The following FBRSL1 variants were observed in gnomAD, a reference collection of about 807,000 sequenced individuals.
FBRSL1 encodes fibrosin like 1.
A neutral mutation model predicts 89.6 loss-of-function variants in FBRSL1; 51 were observed. The ratio of observed to expected loss-of-function variants is 0.57; its 90% confidence interval spans 0.45 to 0.72. The LOEUF is 0.72. Among genes scored for constraint, FBRSL1 ranks in the 30% least tolerant of loss-of-function variants. The pLI is 0.00. For synonymous variants in FBRSL1, 779 were observed against 681.1 expected (o/e 1.14, Z -2.24); for missense variants, 1,618 against 1,451.8 (o/e 1.11, Z -1.86).
chr12:132,531,021 G>A (rs570037933), intron 4 of FBRSL1, among the ~76,000 whole-genome samples: 59 of 147,226 alleles, frequency 4.0e-4, no homozygotes, highest in Middle Eastern at 3.7e-3. Flanking sequence ...GTGAGAGCCC[G>A]GGGTGCAGGT....
chr12:132,572,568 C>T lies in FBRSL1; in HGVS notation c.1476C>T (p.Thr492=), dbSNP rs769857540. ...CTCCTGCCATCCCGGGACTGCCCAC[C>T]CTGCTCCCACACCCCGGCCCCTTCG... ...SFPPAIPGLP[T]LLPHPGPFGS... Residue 492 remains threonine, a synonymous_variant, in exon 11 of 19, where the codon ACC becomes ACT. Coordinates refer to ENST00000680143, the MANE Select transcript of FBRSL1 (RefSeq NM_001367871.1). The T allele has an allele frequency of 1.3e-6, 2 of 1,551,372 alleles. No homozygotes were observed. The highest frequency in any genetic ancestry group is 1.7e-6 in the Non-Finnish European group (2 of 1,146,912).
At chr12:132,534,907 C>T (rs1431311919) in intron 4 of FBRSL1, among the ~76,000 whole-genome samples, 2 of 152,254 alleles carry the variant, frequency 1.3e-5, no homozygotes, top group Non-Finnish European at 2.9e-5. Flanking sequence ...CCGCCTTTCA[C>T]CCCACCCACA....
intron 18 of FBRSL1, among the ~76,000 whole-genome samples, 198 bp from the exon 19 acceptor site, chr12:132,582,773 C>T (rs1204232833): frequency 6.6e-6 from 1 of 152,146 alleles, no homozygotes; most frequent in African/African-American, 2.4e-5. Flanking sequence ...CGTCTCCCGG[C>T]CAAGGTTTCC....
intron 5 of FBRSL1, among the ~76,000 whole-genome samples, chr12:132,556,927 G>A (rs192750943): frequency 7.4e-4 from 113 of 152,274 alleles, no homozygotes; most frequent in African/African-American, 2.6e-3. Context: ...TCAAGGACAC[G>A]TGCCCCGCGG....
At position 132,517,794 on chromosome 12, in the gene FBRSL1, C is replaced by T. The variant is rs542937902; in HGVS notation, c.490-7940C>T. ...GTTTTAAGCCAGGGAACAACGTGAG[C>T]TCCTGTGTTTTTACAAACTCGTGGG... On this transcript the variant is annotated intron_variant, in intron 2 of 18. Coordinates refer to ENST00000680143, the MANE Select transcript of FBRSL1 (RefSeq NM_001367871.1). Among the ~76,000 whole-genome samples the T allele has an allele frequency of 5.3e-5, 8 of 152,250 alleles. No individual in the cohort carries two copies. The East Asian group carries it at 1.5e-3, about 29-fold the overall frequency.
At chr12:132,569,832 C>T (rs1451534613) in intron 6 of FBRSL1, 94 bp from the exon 7 acceptor site, 6 of 971,480 alleles carry the variant, frequency 6.2e-6, no homozygotes, top group Non-Finnish European at 8.3e-6. Flanking sequence ...CCAGACATAG[C>T]CTGGGCACCG....
intron 14 of FBRSL1, 84 bp from the exon 15 acceptor site, chr12:132,576,715 G>A: frequency 6.8e-7 from 1 of 1,465,712 alleles, no homozygotes; most frequent in East Asian, 2.5e-5. Context: ...CTCACACCCA[G>A]TCCCTGTGGC....
Position 132,571,095 on chromosome 12 carries a change from A to C in FBRSL1, c.1241A>C (p.Gln414Pro). 7.4e-7 allele frequency: 1 copy of C among 1,356,854 alleles called. No individual in the cohort carries two copies. Among genetic ancestry groups the C allele is most frequent in the Non-Finnish European group, 9.5e-7 (1 of 1,056,824 alleles). 84.1% of individuals were successfully genotyped at this position (1,356,854 alleles called of 1,614,324 possible). The change falls in exon 9 of 19, where the codon CAG (glutamine) becomes CCG (proline). Residue 414 changes from glutamine (Q) to proline (P), a missense_variant. Physicochemically the swap from Gln to Pro is moderately conservative, Grantham distance 76 (BLOSUM62 -1). Coordinates refer to ENST00000680143, the MANE Select transcript of FBRSL1 (RefSeq NM_001367871.1). ...ADASLAVSFSQPIMYCQPHSG... is the reference protein window; with the variant it reads ...ADASLAVSFSPPIMYCQPHSG... ...GCCAGCCTGGCGGTCTCATTCAGCC[A>C]GCCAATCATGTATTGCCAGCCTCAT...
At chr12:132,515,964 C>CA (rs2034806868) in intron 2 of FBRSL1, among the ~76,000 whole-genome samples, 1 of 150,112 alleles carries the variant, frequency 6.7e-6, no homozygotes, top group Admixed American at 6.6e-5. Context: ...TGAACAATGC[C>CA]AAAAGGTGTT....
intron 5 of FBRSL1, among the ~76,000 whole-genome samples, chr12:132,549,115 C>T (rs1022485203): frequency 1.1e-4 from 17 of 152,154 alleles, no homozygotes; most frequent in Admixed American, 4.6e-4. Flanking sequence ...CAGTTTTCGA[C>T]GTACCAAGAA....
intron 5 of FBRSL1, among the ~76,000 whole-genome samples, chr12:132,549,642 C>T (rs1472364385): frequency 6.6e-6 from 1 of 152,228 alleles, no homozygotes; most frequent in African/African-American, 2.4e-5. Flanking sequence ...TCTCCCCTCC[C>T]CGCCTGCCTT....
At chr12:132,497,612 C>T (rs1392841052) in intron 1 of FBRSL1, among the ~76,000 whole-genome samples, 1 of 152,190 alleles carries the variant, frequency 6.6e-6, no homozygotes, top group Non-Finnish European at 1.5e-5. Context: ...GACCACCCTT[C>T]AGTGCCCCCA....
At position 132,499,686 on chromosome 12, in the gene FBRSL1, G is replaced by A. The variant is rs1366163134; in HGVS notation, c.292-8467G>A. The stretch of plus-strand genomic sequence containing the variant: ...GGGTGCCGGTGGCAGGCAGGCTGGA[G>A]ACAGCTGGGGGCTGTGGCTGGGGGG... On this transcript the variant is annotated intron_variant, in intron 1 of 18. Coordinates refer to ENST00000680143, the MANE Select transcript of FBRSL1 (RefSeq NM_001367871.1). The surrounding 1 kb of genome is among the most constrained non-coding windows in gnomAD (Gnocchi z 4.3). 6.6e-6 allele frequency among the ~76,000 whole-genome samples: 1 copy of A among 151,306 alleles called. No individual in the cohort carries two copies. Among genetic ancestry groups the A allele is most frequent in the African/African-American group, 2.4e-5 (1 of 41,216 alleles).
At position 132,576,559 on chromosome 12, in the gene FBRSL1, C is replaced by A. The variant is rs2040394716; in HGVS notation, c.1702-240C>A. On this transcript the variant is annotated intron_variant, in intron 14 of 18. Transcript: ENST00000680143. Reference sequence around the variant, plus strand: ...TTTCCATGACAGCGTAGCATCCCAGCTGCCATGTGCCAAGTACGTACCACA... The same window carrying A: ...TTTCCATGACAGCGTAGCATCCCAGATGCCATGTGCCAAGTACGTACCACA... Among the ~76,000 whole-genome samples, 7 of 152,372 alleles carry A rather than the reference C, an allele frequency of 4.6e-5. No homozygotes were observed. The South Asian group carries it at 1.5e-3, about 32-fold the overall frequency.
At chr12:132,501,935 CCTGG>C (rs1463329390) in intron 1 of FBRSL1, among the ~76,000 whole-genome samples, 2 of 152,250 alleles carry the variant, frequency 1.3e-5, no homozygotes, top group Non-Finnish European at 2.9e-5. Context: ...GTCTCCAGCA[CCTGG>C]CTTCTTTCTG....
chr12:132,518,198 A>G (rs903136131), intron 2 of FBRSL1, among the ~76,000 whole-genome samples: 4 of 152,144 alleles, frequency 2.6e-5, no homozygotes, highest in Non-Finnish European at 5.9e-5. Context: ...CATCCCTCAT[A>G]TCATCTGTAG....
intron 15 of FBRSL1, among the ~76,000 whole-genome samples, chr12:132,579,005 C>G (rs1286938051): frequency 3.3e-5 from 5 of 152,216 alleles, no homozygotes; most frequent in Admixed American, 6.5e-5. Context: ...GCGCCCAGTT[C>G]TGGGCCCTCC....
In FBRSL1 at chr12:132,508,402, G is replaced by C; in HGVS notation, c.489+52G>C. ...GCTCTGCGGCGGGTCAGTGCTCACCGCCCCAGGGCCATGCCAGCACCTGGA... is the reference window on the plus strand; with the variant it reads ...GCTCTGCGGCGGGTCAGTGCTCACCCCCCCAGGGCCATGCCAGCACCTGGA... On this transcript the variant is annotated intron_variant, in intron 2 of 18. Transcript: ENST00000680143. 1.4e-6 allele frequency: 2 copies of C among 1,436,644 alleles called. 1 individual carries two copies. Among genetic ancestry groups the C allele is most frequent in the South Asian group, 2.9e-5 (2 of 68,378 alleles). The allele number at this position is 1,436,644 out of a possible 1,614,324, so 89.0% of individuals were successfully genotyped here.
At chr12:132,536,624 T>C in intron 4 of FBRSL1, among the ~76,000 whole-genome samples, 1 of 150,320 alleles carries the variant, frequency 6.7e-6, no homozygotes, top group East Asian at 2.0e-4. Context: ...GTGAGTGCAT[T>C]GTACATGATG....
Sources: allele counts gnomAD v4.1 joint callset (sites outside exome capture counted in the v4.1 genomes callset), GRCh38; gene constraint gnomAD v4.1.1; non-coding constraint Gnocchi (gnomAD v3.1); transcripts MANE v1.5; gene names NCBI Gene and HGNC (gene_info 2026-07-23, HGNC 2026-07-21).